The following BICRA variants were observed in gnomAD, a reference collection of about 807,000 sequenced individuals.
The protein encoded by BICRA is BRD4 interacting chromatin remodeling complex associated protein, also known as BRD4-interacting chromatin-remodeling complex-associated protein.
Under a neutral mutation model 96.9 loss-of-function variants are expected in BICRA, and 31 were observed. That is an observed-to-expected ratio of 0.32 (90% confidence interval 0.24 to 0.43). The LOEUF (loss-of-function observed/expected upper bound fraction) is 0.43, where lower values mean the gene tolerates loss of function less well. BICRA is among the 20% of genes least tolerant of loss of function. The pLI is 1.00. For synonymous variants in BICRA, 1,350 were observed against 1,071.8 expected (o/e 1.26, Z -5.07); for missense variants, 2,283 against 2,190.3 (o/e 1.04, Z -0.84).
intron 7 of BICRA, among the ~76,000 whole-genome samples, chr19:47,682,861 G>A (rs1185638768): frequency 5.3e-5 from 8 of 151,928 alleles, no homozygotes; most frequent in African/African-American, 1.9e-4. Context: ...TAATAGAGAC[G>A]GGGTTTCACC....
chr19:47,639,489 A>T (rs11881441), intron 1 of BICRA, among the ~76,000 whole-genome samples: 4 of 151,380 alleles, frequency 2.6e-5, no homozygotes, highest in African/African-American at 4.9e-5. Flanking sequence ...ACTACACACC[A>T]GGCTAATTTT....
chr19:47,667,534 G>A (rs1241226505), intron 1 of BICRA, among the ~76,000 whole-genome samples: 1 of 152,160 alleles, frequency 6.6e-6, no homozygotes, highest in Non-Finnish European at 1.5e-5. Context: ...ATGAACAGAC[G>A]TGAACCCTTC....
At chr19:47,609,961 C>A (rs1370859266) in intron 1 of BICRA, among the ~76,000 whole-genome samples, 1 of 38,450 alleles carries the variant, frequency 2.6e-5, no homozygotes, top group Non-Finnish European at 6.1e-5. Flanking sequence ...GGGGCCGTTA[C>A]GGGGGTGGGG....
At position 47,680,700 on chromosome 19, in the gene BICRA, C is replaced by A; in HGVS notation, c.1530C>A (p.Ile510=). The part of the protein sequence containing the change: ...AAAPHTGGQL[I]ANPILTNQNL... ...CCCCCCACACAGGTGGACAGCTCAT[C>A]GCGAACCCCATCCTCACAAACCAGA... The change falls in exon 6 of 15, where the codon ATC becomes ATA. Residue 510 remains isoleucine, a synonymous_variant. Transcript: ENST00000594866. The A allele has an allele frequency of 6.2e-7, 1 of 1,601,310 alleles. No individual in the cohort carries two copies. The highest frequency in any genetic ancestry group is 1.7e-5 in the Admixed American group (1 of 58,134).
rs934253945 is a variant in BICRA, at chr19:47,675,022, G to A, written c.85-829G>A. On this transcript the variant is annotated intron_variant, in intron 4 of 14. Coordinates refer to ENST00000594866, the MANE Select transcript of BICRA (RefSeq NM_001394372.1). The surrounding 1 kb of genome is among the most constrained non-coding windows in gnomAD (Gnocchi z 4.7). ...TGGGATGATGGCAGCCTGGGCCATG[G>A]TGCAGGCAGTGGGGGAGGCATGTGG... Among the ~76,000 whole-genome samples the A allele has an allele frequency of 1.3e-5, 2 of 152,224 alleles. No homozygotes were observed. The highest frequency in any genetic ancestry group is 4.8e-5 in the African/African-American group (2 of 41,462).
At chr19:47,678,469 G>A (rs947001850) in intron 5 of BICRA, among the ~76,000 whole-genome samples, 9 of 152,104 alleles carry the variant, frequency 5.9e-5, no homozygotes, top group African/African-American at 2.2e-4. Context: ...CAGCACCCCC[G>A]CGGGCTTGGG....
chr19:47,629,997 G>T (rs192426062), intron 1 of BICRA, among the ~76,000 whole-genome samples: 29 of 151,880 alleles, frequency 1.9e-4, no homozygotes, highest in Non-Finnish European at 2.9e-5. Context: ...TAATTCAGTG[G>T]CATTAAGTAC....
At chr19:47,611,407 T>TGGGGGA (rs1407283793) in intron 1 of BICRA, among the ~76,000 whole-genome samples, 9 of 150,438 alleles carry the variant, frequency 6.0e-5, no homozygotes, top group Non-Finnish European at 8.9e-5. Flanking sequence ...GTGTGAGGAG[T>TGGGGGA]GGGGGAGGGG....
At position 47,696,373 on chromosome 19, in the gene BICRA, C is replaced by T. The variant is rs917963861; in HGVS notation, c.3187-78C>T. On this transcript the variant is annotated intron_variant, in intron 10 of 14. Coordinates refer to ENST00000594866, the MANE Select transcript of BICRA (RefSeq NM_001394372.1). ...ACTGGTCCCCTGTCCCGTCTTTATC[C>T]TAGGCTAGAGGGGAAGCTGGTCGGG... is the stretch of plus-strand genomic sequence containing the variant. 6.5e-5 allele frequency: 89 copies of T among 1,363,544 alleles called. No homozygotes were observed. The East Asian group carries it at 2.1e-3, about 32-fold the overall frequency. The allele number at this position is 1,363,544 out of a possible 1,614,324, so 84.5% of individuals were successfully genotyped here.
chr19:47,655,352 C>T (rs751709466), intron 1 of BICRA, among the ~76,000 whole-genome samples: 1 of 149,860 alleles, frequency 6.7e-6, no homozygotes, highest in Non-Finnish European at 1.5e-5. Context: ...ATGGTGAAAC[C>T]CTGGGTCTAC....
chr19:47,670,966 C>T (rs560372089), intron 2 of BICRA, among the ~76,000 whole-genome samples: 2 of 152,018 alleles, frequency 1.3e-5, no homozygotes, highest in African/African-American at 2.4e-5. Flanking sequence ...GGCACCTCCC[C>T]GGGGACACTC....
intron 7 of BICRA, 21 bp from the exon 8 acceptor site, chr19:47,694,094 C>A: frequency 7.4e-7 from 1 of 1,354,384 alleles, no homozygotes; most frequent in Non-Finnish European, 9.6e-7. Context: ...CCCCTCCCCT[C>A]TCCCTCCCTC....
At chr19:47,660,582 C>T (rs1260751297) in intron 1 of BICRA, among the ~76,000 whole-genome samples, 4 of 152,170 alleles carry the variant, frequency 2.6e-5, no homozygotes, top group Admixed American at 6.5e-5. Context: ...GAACACATCA[C>T]CTCATTTGTC....
At chr19:47,681,355 A>G (rs1404974222) in intron 6 of BICRA, 79 bp downstream of exon 6, 3 of 1,299,006 alleles carry the variant, frequency 2.3e-6, no homozygotes, top group East Asian at 2.6e-5. Flanking sequence ...CGAGGCGCCA[A>G]GATCCAAAAG....
upstream of BICRA, chr19:47,608,282 G>C (rs994623044): frequency 1.3e-5 from 2 of 152,242 alleles, no homozygotes; most frequent in South Asian, 4.1e-4. Flanking sequence ...GACCAGCTAG[G>C]GTGAGTGATC....
chr19:47,654,789 T>TG (rs1491225061), intron 1 of BICRA, among the ~76,000 whole-genome samples: 102 of 70,086 alleles, frequency 1.5e-3, no homozygotes, highest in African/African-American at 6.3e-3. Context: ...TCCATCTCTA[T>TG]GAAAAAAAAA....
intron 1 of BICRA, among the ~76,000 whole-genome samples, chr19:47,640,769 G>T (rs146344216): frequency 6.8e-4 from 103 of 152,230 alleles, no homozygotes; most frequent in African/African-American, 2.4e-3. Context: ...CCCTGTCAGG[G>T]TTCCTAGCTG....
Position 47,680,680 on chromosome 19 carries a change from C to T in BICRA, c.1510C>T (p.His504Tyr). 1 of 1,604,450 alleles carries T rather than the reference C, an allele frequency of 6.2e-7. No individual in the cohort carries two copies. The highest frequency in any genetic ancestry group is 8.5e-7 in the Non-Finnish European group (1 of 1,175,588). ...GCAGATCCTGGCGGCCGCTGCCCCC[C>T]ACACAGGTGGACAGCTCATCGCGAA... ...GGQILAAAAP[H>Y]TGGQLIANPI... Residue 504 changes from histidine to tyrosine, a missense_variant, in exon 6 of 15, where the codon CAC becomes TAC. His to Tyr is a moderately conservative substitution (Grantham distance 83). Coordinates refer to ENST00000594866, the MANE Select transcript of BICRA (RefSeq NM_001394372.1).
chr19:47,662,226 TCAGCTGTTGGA>T (rs1194167095), intron 1 of BICRA: 5 of 152,636 alleles, frequency 3.3e-5, no homozygotes, highest in Admixed American at 6.5e-5. Context: ...GTGTCTGTAG[TCAGCTGTTGGA>T]CAGCTGGTGA....
Sources: allele counts gnomAD v4.1 joint callset (sites outside exome capture counted in the v4.1 genomes callset), GRCh38; gene constraint gnomAD v4.1.1; non-coding constraint Gnocchi (gnomAD v3.1); transcripts MANE v1.5; gene names NCBI Gene and HGNC (gene_info 2026-07-23, HGNC 2026-07-21).